Variants in HAVCR2 observed in about 807,000 individuals in gnomAD.
HAVCR2 encodes the protein hepatitis A virus cellular receptor 2.
In HAVCR2, 13 loss-of-function variants were observed where a neutral mutation model predicts 24.7. The ratio of observed to expected loss-of-function variants is 0.53; its 90% CI spans 0.34 to 0.84. The LOEUF (loss-of-function observed/expected upper bound fraction) is 0.84. Among genes scored for constraint, HAVCR2 ranks in the 40% least tolerant of loss-of-function variants. The pLI is 0.01. For missense variants in HAVCR2, 343 were observed against 371.2 expected (o/e 0.92, Z 0.62); for synonymous variants, 154 against 143.4 (o/e 1.07, Z -0.53).
In HAVCR2 at chr5:157,106,842, A is replaced by C; in HGVS notation, c.179T>G (p.Val60Gly). 1 of 1,614,076 alleles carries C rather than the reference A, an allele frequency of 6.2e-7. No homozygotes were observed. The highest frequency in any genetic ancestry group is 1.1e-5 in the South Asian group (1 of 91,090). ...GAGCACCACGTTGCCACATTCAAAC[A>C]CAGGACAGGCTCCTTTGCCCCAGCA... ...PVCWGKGACP[V>G]FECGNVVLRT... Residue 60 changes from valine to glycine, a missense_variant, in exon 2 of 7, where the codon GTG (valine) becomes GGG (glycine). Val to Gly is a moderately radical substitution (Grantham distance 109). Coordinates refer to ENST00000307851, the MANE Select transcript of HAVCR2 (RefSeq NM_032782.5).
chr5:157,093,416 C>T (rs887924876), intron 5 of HAVCR2, among the ~76,000 whole-genome samples: 32 of 152,074 alleles, frequency 2.1e-4, no homozygotes, highest in African/African-American at 7.2e-4. Flanking sequence ...AGCTTCAGTC[C>T]ACAGTTAGTG....
intron 2 of HAVCR2, 21 bp downstream of exon 2, chr5:157,106,606 G>A (rs2113695800): frequency 6.4e-7 from 1 of 1,558,652 alleles, no homozygotes; most frequent in Non-Finnish European, 8.9e-7. Context: ...TCATAAAGAT[G>A]GCATGCAAAT....
intron 3 of HAVCR2, 58 bp from the exon 4 acceptor site, chr5:157,098,959 A>G: frequency 1.3e-6 from 2 of 1,513,296 alleles, no homozygotes; most frequent in South Asian, 2.4e-5. Context: ...ATAGTTAAGA[A>G]CGTTTTCTTT....
Position 157,086,331 on chromosome 5 carries a change from C to T in HAVCR2, c.*771G>A, listed in dbSNP as rs1368415566. On this transcript the variant is annotated 3_prime_UTR_variant, in exon 7 of 7. Transcript: ENST00000307851. The stretch of plus-strand genomic sequence containing the variant: ...GGGAATCTTCAAGATCAAGGTAGAC[C>T]TGGTCCAGTCATCTCTTAATCTTTT... The T allele has an allele frequency of 6.6e-6, 1 of 152,216 alleles. No homozygotes were observed. The highest frequency in any genetic ancestry group is 1.9e-4 in the East Asian group (1 of 5,190). 9.4% of individuals were successfully genotyped at this position (152,216 alleles called of 1,614,324 possible).
chr5:157,089,265 C>T (rs13176785), intron 5 of HAVCR2, among the ~76,000 whole-genome samples: 5,886 of 152,194 alleles, frequency 0.039, 280 homozygotes, highest in African/African-American at 0.11. Flanking sequence ...AATTGTGAGC[C>T]CTAATTTCAC....
At chr5:157,087,941 A>T (rs1756939397) in intron 6 of HAVCR2, among the ~76,000 whole-genome samples, 3 of 151,862 alleles carry the variant, frequency 2.0e-5, no homozygotes, top group Admixed American at 2.0e-4. Context: ...TTTAGATAGC[A>T]TTCAATGGAC....
At chr5:157,096,953 C>T (rs1452335136) in intron 4 of HAVCR2, among the ~76,000 whole-genome samples, 3 of 149,566 alleles carry the variant, frequency 2.0e-5, no homozygotes, top group African/African-American at 7.6e-5. Flanking sequence ...CACACACACA[C>T]ACACACACAC....
intron 4 of HAVCR2, among the ~76,000 whole-genome samples, 167 bp downstream of exon 4, chr5:157,098,691 C>G (rs1009120006): frequency 3.3e-5 from 5 of 152,132 alleles, no homozygotes; most frequent in African/African-American, 9.7e-5. Context: ...TTACAGCAGG[C>G]CTATGAGGTT....
chr5:157,096,880 C>A (rs1757100931), intron 4 of HAVCR2, among the ~76,000 whole-genome samples: 1 of 151,248 alleles, frequency 6.6e-6, no homozygotes, highest in Non-Finnish European at 1.5e-5. Flanking sequence ...CACTTGAGAC[C>A]AGGAGTTAGG....
intron 4 of HAVCR2, among the ~76,000 whole-genome samples, chr5:157,097,555 C>T (rs1383259868): frequency 2.0e-5 from 3 of 152,118 alleles, no homozygotes; most frequent in Non-Finnish European, 2.9e-5. Context: ...ACACTGTGCC[C>T]GGCCTCCTCA....
intron 5 of HAVCR2, among the ~76,000 whole-genome samples, chr5:157,092,959 T>C (rs533345055): frequency 1.4e-5 from 2 of 139,944 alleles, no homozygotes; most frequent in Admixed American, 7.3e-5. Flanking sequence ...TCTCAGCTAC[T>C]TGGGAGGCTG....
chr5:157,093,818 G>A (rs930247302), intron 5 of HAVCR2, among the ~76,000 whole-genome samples: 1 of 152,058 alleles, frequency 6.6e-6, no homozygotes, highest in African/African-American at 2.4e-5. Context: ...GGTGGTACAT[G>A]CCTGTAGTCC....
chr5:157,102,736 A>G (rs6873507), intron 3 of HAVCR2, among the ~76,000 whole-genome samples: 126,500 of 151,788 alleles, frequency 0.83, 52,839 homozygotes, highest in East Asian at 0.99. Flanking sequence ...GGAGTTCGAG[A>G]CCAGCATGGC....
intron 3 of HAVCR2, among the ~76,000 whole-genome samples, chr5:157,102,861 G>A (rs1445595865): frequency 2.0e-5 from 3 of 148,412 alleles, no homozygotes; most frequent in South Asian, 2.1e-4. Context: ...CATGAACCTG[G>A]GAGGCAGAGT....
rs772767426 is a variant in HAVCR2 at position 157,086,294 on chromosome 5, T to A, written c.*808A>T. The A allele has an allele frequency of 2.0e-5, 3 of 152,244 alleles. No homozygotes were observed. Among genetic ancestry groups the A allele is most frequent in the Non-Finnish European group, 4.4e-5 (3 of 68,082 alleles). 9.4% of individuals were successfully genotyped at this position (152,244 alleles called of 1,614,324 possible). A position where few individuals can be genotyped will look rare whatever the true frequency, so the allele number is the denominator to read the frequency against. On this transcript the variant is annotated 3_prime_UTR_variant, in exon 7 of 7. Coordinates refer to ENST00000307851, the MANE Select transcript of HAVCR2 (RefSeq NM_032782.5). ...GGCAGTGCTCAAATAAGCCTAAATCTCAACATTCCAAGGGAATCTTCAAGA... is the reference window on the plus strand; with the variant it reads ...GGCAGTGCTCAAATAAGCCTAAATCACAACATTCCAAGGGAATCTTCAAGA...
At chr5:157,104,559 C>T in intron 3 of HAVCR2, 107 bp downstream of exon 3, 1 of 718,082 alleles carries the variant, frequency 1.4e-6, no homozygotes, top group South Asian at 1.8e-5. Context: ...ACGGAGATAT[C>T]CATGCCTCCA....
intron 3 of HAVCR2, among the ~76,000 whole-genome samples, chr5:157,102,740 G>T (rs1448022786): frequency 5.3e-5 from 8 of 151,728 alleles, no homozygotes; most frequent in African/African-American, 1.9e-4. Context: ...TTCGAGACCA[G>T]CATGGCCACC....
chr5:157,108,811 G>T (rs1757288103), intron 1 of HAVCR2, 115 bp downstream of exon 1: 1 of 862,020 alleles, frequency 1.2e-6, no homozygotes, highest in East Asian at 2.5e-5. Context: ...GGACATTTAG[G>T]TTGCTTCCAA....
chr5:157,099,364 C>T (rs1451586442), intron 3 of HAVCR2, among the ~76,000 whole-genome samples: 1 of 148,990 alleles, frequency 6.7e-6, no homozygotes, highest in African/African-American at 2.5e-5. Flanking sequence ...TCAAGCAATT[C>T]TCATCCCTCA....
Sources: allele counts gnomAD v4.1 joint callset (sites outside exome capture counted in the v4.1 genomes callset), GRCh38; gene constraint gnomAD v4.1.1; transcripts MANE v1.5; gene names NCBI Gene and HGNC (gene_info 2026-07-23, HGNC 2026-07-21).